Variants in UTP15 observed in about 807,000 individuals in gnomAD.
The protein encoded by UTP15 is U3 small nucleolar RNA-associated protein 15 homolog.
A neutral mutation model predicts 59.1 loss-of-function variants in UTP15; 5 were observed. That is an observed-to-expected ratio of 0.08 (90% CI 0.04 to 0.18). The LOEUF (loss-of-function observed/expected upper bound fraction) is 0.18, where lower values mean the gene tolerates loss of function less well. UTP15 is among the 10% of genes least tolerant of loss of function. The pLI, the probability that UTP15 is intolerant of heterozygous loss-of-function variation, is 1.00. For missense variants in UTP15, 494 were observed against 616.7 expected (o/e 0.80, Z 2.11); for synonymous variants, 211 against 212.2 (o/e 0.99, Z 0.05).
intron 5 of UTP15, 38 bp downstream of exon 5, chr5:73,569,713 C>A: frequency 6.7e-7 from 1 of 1,489,836 alleles, no homozygotes; most frequent in South Asian, 1.4e-5. Flanking sequence ...CAAATAATCT[C>A]ACGGGGATGT....
Position 73,581,965 on chromosome 5 carries a change from C to G in UTP15, c.*1871C>G, listed in dbSNP as rs534227168. The G allele has an allele frequency of 6.6e-6, 1 of 152,150 alleles. No homozygotes were observed. The highest frequency in any genetic ancestry group is 1.5e-5 in the Non-Finnish European group (1 of 68,002). The allele number at this position is 152,150 out of a possible 1,614,324, so 9.4% of individuals were successfully genotyped here. ...TTTAAATAAAGTTTCTATTTAAAAA[C>G]CTTTTTAAAAAGTTAACATCATAAA... On this transcript the variant is annotated 3_prime_UTR_variant, in exon 13 of 13. Coordinates refer to ENST00000296792, the MANE Select transcript of UTP15 (RefSeq NM_032175.4).
chr5:73,576,535 C>T (rs1748102166), intron 7 of UTP15, among the ~76,000 whole-genome samples: 1 of 151,070 alleles, frequency 6.6e-6, no homozygotes, highest in South Asian at 2.1e-4. Context: ...AGTGCAGTGG[C>T]ACAATCTTGG....
chr5:73,567,896 A>G (rs1747828177), intron 2 of UTP15, among the ~76,000 whole-genome samples: 2 of 152,176 alleles, frequency 1.3e-5, no homozygotes, highest in Non-Finnish European at 2.9e-5. Context: ...CCTACATGGT[A>G]TGATTATCTT....
At chr5:73,570,526 TAC>T in intron 5 of UTP15, 58 bp from the exon 6 acceptor site, 1 of 1,547,900 alleles carries the variant, frequency 6.5e-7, no homozygotes, top group Non-Finnish European at 8.9e-7. Context: ...TATATCTGGA[TAC>T]ACACAGTTTT....
chr5:73,577,505 A>G (rs760748338), intron 8 of UTP15, among the ~76,000 whole-genome samples: 18 of 152,202 alleles, frequency 1.2e-4, no homozygotes, highest in Non-Finnish European at 2.4e-4. Flanking sequence ...ACTATATTAT[A>G]TAGAAATCTG....
At chr5:73,570,790 T>C in intron 6 of UTP15, 79 bp downstream of exon 6, 10 of 1,576,504 alleles carry the variant, frequency 6.3e-6, no homozygotes, top group Non-Finnish European at 7.8e-6. Context: ...CTTTGTAATT[T>C]ATCAGTGTGC....
intron 6 of UTP15, 94 bp from the exon 7 acceptor site, chr5:73,572,395 C>G (rs963481852): frequency 3.4e-5 from 52 of 1,514,240 alleles, no homozygotes; most frequent in Non-Finnish European, 4.6e-5. Flanking sequence ...AGCCTCCATG[C>G]TTTGTGGAGT....
chr5:73,576,917 A>G (rs1224681717), intron 7 of UTP15, 35 bp from the exon 8 acceptor site: 12 of 1,449,128 alleles, frequency 8.3e-6, no homozygotes, highest in Non-Finnish European at 1.0e-5. Flanking sequence ...CTCGTTTTCA[A>G]GGTGATTTTT....
intron 6 of UTP15, 97 bp from the exon 7 acceptor site, chr5:73,572,392 A>G (rs1286528704): frequency 2.7e-6 from 4 of 1,505,374 alleles, no homozygotes; most frequent in Admixed American, 2.0e-5. Flanking sequence ...CTCAGCCTCC[A>G]TGCTTTGTGG....
intron 5 of UTP15, among the ~76,000 whole-genome samples, chr5:73,570,251 AG>A (rs1375226805): frequency 2.0e-5 from 3 of 152,234 alleles, no homozygotes; most frequent in African/African-American, 7.2e-5. Flanking sequence ...TGTAATGTAT[AG>A]TACCCTGCCT....
chr5:73,567,546 C>G (rs1413191477), intron 2 of UTP15, 112 bp downstream of exon 2: 1 of 728,258 alleles, frequency 1.4e-6, no homozygotes, highest in Non-Finnish European at 2.2e-6. Context: ...AACCATCTAT[C>G]AGCAGCTTAT....
Position 73,580,259 on chromosome 5 carries a change from G to C in UTP15, c.*165G>C. ...GCCGGAAAACAAGTACCCGTTTTAA[G>C]TAAGACATGGTTTTCCATGTAATAT... On this transcript the variant is annotated 3_prime_UTR_variant, in exon 13 of 13. Transcript: ENST00000296792. 1.8e-6 allele frequency: 1 copy of C among 544,556 alleles called. No homozygotes were observed. Among genetic ancestry groups the C allele is most frequent in the African/African-American group, 1.9e-5 (1 of 52,140 alleles). The allele number at this position is 544,556 out of a possible 1,614,324, so 33.7% of individuals were successfully genotyped here. A position where few individuals can be genotyped will look rare whatever the true frequency, so the allele number is the denominator to read the frequency against.
At position 73,581,852 on chromosome 5, in the gene UTP15, A is replaced by T. The variant is rs753410876; in HGVS notation, c.*1758A>T. 6.6e-6 allele frequency: 1 copy of T among 152,198 alleles called. No individual in the cohort carries two copies. Among genetic ancestry groups the T allele is most frequent in the Non-Finnish European group, 1.5e-5 (1 of 68,040 alleles). 9.4% of individuals were successfully genotyped at this position (152,198 alleles called of 1,614,324 possible). A position where few individuals can be genotyped will look rare whatever the true frequency, so the allele number is the denominator to read the frequency against. The stretch of plus-strand genomic sequence containing the variant: ...TTGATTTCGTACAGCACAGTGGCTT[A>T]TAAGGAACCAGCAGTGTTTTTCCCT... On this transcript the variant is annotated 3_prime_UTR_variant, in exon 13 of 13. Transcript: ENST00000296792.
rs780997809 is a variant in UTP15 at position 73,569,693 on chromosome 5, C to G, written c.547+18C>G. 42 of 1,551,290 alleles carry G rather than the reference C, an allele frequency of 2.7e-5. No homozygotes were observed. The highest frequency in any genetic ancestry group is 3.1e-5 in the Non-Finnish European group (36 of 1,148,362). ...TATAACAGGTTGGTGAACTCTATTC[C>G]CTCCTGAAGCAAATAATCTCACGGG... On this transcript the variant is annotated intron_variant, in intron 5 of 12. Transcript: ENST00000296792.
intron 4 of UTP15, among the ~76,000 whole-genome samples, chr5:73,568,933 A>G (rs970787804): frequency 6.6e-6 from 1 of 152,212 alleles, no homozygotes. Context: ...ACAGCTGGTA[A>G]TGACAGCTCT....
rs1423625076 is a variant in UTP15, at chr5:73,579,318, A to C, written c.1282A>C (p.Asn428His). The C allele has an allele frequency of 6.2e-7, 1 of 1,608,704 alleles. No homozygotes were observed. Among genetic ancestry groups the C allele is most frequent in the East Asian group, 2.2e-5 (1 of 44,786 alleles). ...ISHVLNFLIR[N>H]LSQPRFAPVL... ...CTAAACTGAATTTTTACTTTGTAGG[A>C]ATCTTTCTCAGCCAAGATTTGCCCC... The change falls in exon 12 of 13, where the codon AAT becomes CAT. Residue 428 changes from asparagine to histidine, a missense_variant and splice_region_variant. Asn to His is a moderately conservative substitution (Grantham distance 68). Coordinates refer to ENST00000296792, the MANE Select transcript of UTP15 (RefSeq NM_032175.4).
At chr5:73,579,763 C>A in intron 12 of UTP15, 114 bp from the exon 13 acceptor site, 1 of 536,612 alleles carries the variant, frequency 1.9e-6, no homozygotes. Flanking sequence ...AAAATAAGTA[C>A]AGATTTTTCA....
In UTP15 at chr5:73,579,935, T is replaced by A; in HGVS notation, c.1398T>A (p.Leu466=). ...TAGTTGATAAAAAGTTTTTACTACT[T>A]CAAGGACTTGTAGAAAAAGAGATTG... ...SPVVDKKFLL[L]QGLVEKEIDY... is the part of the protein sequence containing the mutation. Residue 466 remains leucine, a synonymous_variant, in exon 13 of 13, where the codon CTT becomes CTA. Coordinates refer to ENST00000296792, the MANE Select transcript of UTP15 (RefSeq NM_032175.4). 6.2e-7 allele frequency: 1 copy of A among 1,613,742 alleles called. No homozygotes were observed. The highest frequency in any genetic ancestry group is 8.5e-7 in the Non-Finnish European group (1 of 1,179,752).
At chr5:73,578,059 A>G in intron 9 of UTP15, 54 bp downstream of exon 9, 6 of 1,550,440 alleles carry the variant, frequency 3.9e-6, no homozygotes, top group Non-Finnish European at 5.2e-6. Context: ...TAGAGTAGCC[A>G]GCTTCATCCC....
Sources: gnomAD v4.1 joint callset for allele counts (sites outside exome capture counted in the v4.1 genomes callset) on GRCh38, gnomAD v4.1.1 for gene constraint, MANE v1.5 for transcripts, NCBI Gene and HGNC (gene_info 2026-07-23, HGNC 2026-07-21) for gene names.